PHF8: variants seen among roughly 807,000 people sequenced by gnomAD.
PHF8 encodes the protein PHD finger protein 8.
In PHF8, 9 loss-of-function variants were observed where a neutral mutation model predicts 74.4. The observed-to-expected ratio is 0.12, with a 90% CI of 0.07 to 0.21. The LOEUF is 0.21. PHF8 is among the 10% of genes least tolerant of loss of function. PHF8 has a pLI of 1.00. For missense variants in PHF8, 478 were observed against 816.6 expected, an observed-to-expected ratio of 0.59 and a Z score of 5.05; for synonymous variants, 311 against 316.6, an observed-to-expected ratio of 0.98 and a Z score of 0.19.
rs1400117601 is a variant in PHF8, at chrX:53,994,034, A to G, written c.1324-131T>C. On this transcript the variant is annotated intron_variant, in intron 12 of 21. Coordinates refer to ENST00000338154, the MANE Select transcript of PHF8 (RefSeq NM_015107.3). ...GCTTATAGATGCTCCACATATGCAC[A>G]CCCTAGCTTTTACATAATGAGTCAT... 1.5e-5 allele frequency: 7 copies of G among 479,521 alleles called. No individual in the cohort carries two copies. The Admixed American group carries it at 2.3e-4, about 16-fold the overall frequency. The allele number at this position is 479,521 out of a possible 1,213,427, so 39.5% of individuals were successfully genotyped here. A position where few individuals can be genotyped will look rare whatever the true frequency, so the allele number is the denominator to read the frequency against.
chrX:53,951,699 G>A (rs782220934), intron 19 of PHF8, among the ~76,000 whole-genome samples: 3 of 110,022 alleles, frequency 2.7e-5, no homozygotes, highest in East Asian at 2.9e-4. Flanking sequence ...TGATCCGCCC[G>A]CCTCGGCCTC....
rs1349963916 is a variant in PHF8 at position 53,962,853 on chromosome X, T to A, written c.2530A>T (p.Ser844Cys). ...KKKNSDDAPW[S>C]PKARVTPTLP... ...CAAAATACTAGATTACCTTTAGGAC[T>A]CCATGGAGCATCATCTGAATTCTTC... is the stretch of plus-strand genomic sequence containing the variant. Residue 844 changes from serine to cysteine, a missense_variant, in exon 19 of 22, where the codon AGT becomes TGT. Ser to Cys is a moderately radical substitution (Grantham distance 112). Coordinates refer to ENST00000338154, the MANE Select transcript of PHF8 (RefSeq NM_015107.3). 2.6e-6 allele frequency: 3 copies of A among 1,155,457 alleles called. No homozygotes were observed. The highest frequency in any genetic ancestry group is 2.4e-6 in the Non-Finnish European group (2 of 844,385).
chrX:53,955,509 C>T (rs1557088416), intron 19 of PHF8, among the ~76,000 whole-genome samples: 1 of 108,149 alleles, frequency 9.2e-6, no homozygotes, highest in Non-Finnish European at 1.9e-5. Context: ...CAAAAGTGAA[C>T]AGGATTCTCA....
intron 18 of PHF8, among the ~76,000 whole-genome samples, chrX:53,974,041 C>T (rs1268797701): frequency 9.0e-6 from 1 of 111,068 alleles, no homozygotes; most frequent in Non-Finnish European, 1.9e-5. Flanking sequence ...GGGCGGATCA[C>T]GAGGTCAGGA....
At chrX:53,939,291 C>T (rs2064713568) in intron 21 of PHF8, 45 bp from the exon 22 acceptor site, 12 of 1,079,227 alleles carry the variant, frequency 1.1e-5, no homozygotes, top group Non-Finnish European at 1.5e-5. Flanking sequence ...GCAAGGGCTT[C>T]AACATCAAAT....
chrX:53,938,993 T>G lies in PHF8; in HGVS notation c.*165A>C. Reference sequence around the variant, plus strand: ...CTCTAGTGAAAGTGGGGAAGGGAACTAGAAGGAGTCGGTGGAGGGGTCCGT... The same window carrying G: ...CTCTAGTGAAAGTGGGGAAGGGAACGAGAAGGAGTCGGTGGAGGGGTCCGT... On this transcript the variant is annotated 3_prime_UTR_variant, in exon 22 of 22. Transcript: ENST00000338154. 9.7e-7 allele frequency: 1 copy of G among 1,035,062 alleles called. No individual in the cohort carries two copies. Among genetic ancestry groups the G allele is most frequent in the Non-Finnish European group, 1.2e-6 (1 of 810,569 alleles). The allele number at this position is 1,035,062 out of a possible 1,213,427, so 85.3% of individuals were successfully genotyped here.
intron 20 of PHF8, among the ~76,000 whole-genome samples, 178 bp from the exon 21 acceptor site, chrX:53,940,694 T>C (rs1451448422): frequency 9.0e-6 from 1 of 111,690 alleles, no homozygotes; most frequent in East Asian, 2.8e-4. Flanking sequence ...ATACCTGAGA[T>C]CATCTCTTTG....
At chrX:54,045,386 T>C (rs782484140), upstream of PHF8, 1 of 113,686 alleles carries the variant, frequency 8.8e-6, no homozygotes, top group South Asian at 3.5e-4. Context: ...GTCCCATTGC[T>C]TTAAAAAGGA....
At chrX:54,030,540 A>G (rs2066337787) in intron 2 of PHF8, among the ~76,000 whole-genome samples, 1 of 112,166 alleles carries the variant, frequency 8.9e-6, no homozygotes, top group African/African-American at 3.2e-5. Flanking sequence ...TGGACTGGAC[A>G]TTTTAGAGCG....
In PHF8 at chrX:53,991,714, T is replaced by C. The variant is rs144532895; in HGVS notation, c.1730+1022A>G. 4.4e-3 allele frequency among the ~76,000 whole-genome samples: 395 copies of C among 89,751 alleles called. 1 individual carries two copies. The highest frequency in any genetic ancestry group is 0.015 in the African/African-American group (359 of 23,551). 77.9% of individuals were successfully genotyped at this position (89,751 alleles called of 115,157 possible). On this transcript the variant is annotated intron_variant, in intron 14 of 21. Coordinates refer to ENST00000338154, the MANE Select transcript of PHF8 (RefSeq NM_015107.3). The stretch of plus-strand genomic sequence containing the variant: ...AACTTGGTATGAGAAGTATAAAATA[T>C]ATAACTAGGCCAGGCAAGGTGGCTC...
At chrX:54,002,497 C>T in intron 9 of PHF8, 98 bp downstream of exon 9, 1 of 594,919 alleles carries the variant, frequency 1.7e-6, no homozygotes, top group Non-Finnish European at 2.9e-6. Context: ...GAACGAGGAA[C>T]CATTCCTTTC....
intron 14 of PHF8, among the ~76,000 whole-genome samples, chrX:53,988,960 CTTTT>C (rs1196324158): frequency 2.0e-5 from 2 of 99,409 alleles, no homozygotes; most frequent in Non-Finnish European, 4.1e-5. Context: ...TTTATATTTG[CTTTT>C]TTTTTTTTTC....
At chrX:54,016,545 C>A (rs1557108231) in intron 6 of PHF8, 50 bp downstream of exon 6, 1 of 1,079,717 alleles carries the variant, frequency 9.3e-7, no homozygotes, top group Admixed American at 2.2e-5. Flanking sequence ...ATATATCACA[C>A]AAGTTTCAGG....
chrX:53,950,807 T>C (rs2064911399), intron 19 of PHF8, among the ~76,000 whole-genome samples: 2 of 111,665 alleles, frequency 1.8e-5, no homozygotes, highest in Admixed American at 9.6e-5. Flanking sequence ...AGGAGCAGAG[T>C]GGAGAAAATC....
intron 11 of PHF8, 95 bp from the exon 12 acceptor site, chrX:53,995,877 T>C: frequency 2.0e-6 from 1 of 491,518 alleles, no homozygotes; most frequent in Admixed American, 3.3e-5. Flanking sequence ...GAAAGAGTAG[T>C]CTTTTCAACA....
At chrX:53,967,389 A>G (rs2065222164) in intron 18 of PHF8, among the ~76,000 whole-genome samples, 1 of 98,211 alleles carries the variant, frequency 1.0e-5, no homozygotes, top group African/African-American at 3.9e-5. Context: ...CCGCCCGGCC[A>G]GCCGCCCCGT....
chrX:53,985,302 G>T, intron 17 of PHF8, 75 bp from the exon 18 acceptor site: 2 of 824,982 alleles, frequency 2.4e-6, no homozygotes, highest in Non-Finnish European at 3.6e-6. Flanking sequence ...AGAATACTCA[G>T]GGAGGAGGGA....
At chrX:53,980,770 C>T (rs1256839117) in intron 18 of PHF8, among the ~76,000 whole-genome samples, 2 of 112,279 alleles carry the variant, frequency 1.8e-5, no homozygotes, top group African/African-American at 6.5e-5. Context: ...GCCAATTTTA[C>T]GAACCAAAAT....
At chrX:53,995,484 C>T (rs1195583196) in intron 12 of PHF8, among the ~76,000 whole-genome samples, 2 of 112,267 alleles carry the variant, frequency 1.8e-5, no homozygotes, top group Admixed American at 9.5e-5. Flanking sequence ...TCTTTGTGGG[C>T]AGGCACTATT....
Sources: allele counts gnomAD v4.1 joint callset (sites outside exome capture counted in the v4.1 genomes callset), GRCh38; gene constraint gnomAD v4.1.1; transcripts MANE v1.5; gene names NCBI Gene and HGNC (gene_info 2026-07-23, HGNC 2026-07-21).